Variants in RALGAPA1 observed in about 807,000 individuals in gnomAD.
RALGAPA1 encodes the protein Ral GTPase activating protein catalytic subunit alpha 1.
In RALGAPA1, 52 loss-of-function variants were observed where a neutral mutation model predicts 269.6. The ratio of observed to expected loss-of-function variants is 0.19; its 90% confidence interval spans 0.15 to 0.24. The LOEUF (loss-of-function observed/expected upper bound fraction) is 0.24. Among genes scored for constraint, RALGAPA1 ranks in the 10% least tolerant of loss-of-function variants. The pLI is 1.00. For synonymous variants in RALGAPA1, 817 were observed against 1,008.3 expected, an observed-to-expected ratio of 0.81 and a Z score of 3.60; for missense variants, 1,917 against 3,013.9, an observed-to-expected ratio of 0.64 and a Z score of 8.52.
At chr14:35,698,804 G>T (rs577561621) in intron 17 of RALGAPA1, among the ~76,000 whole-genome samples, 7 of 152,238 alleles carry the variant, frequency 4.6e-5, no homozygotes, top group African/African-American at 1.7e-4. Flanking sequence ...ATAATTTGAT[G>T]TAAGCAACCA....
At chr14:35,712,178 C>T (rs1272635401) in intron 16 of RALGAPA1, among the ~76,000 whole-genome samples, 2 of 140,986 alleles carry the variant, frequency 1.4e-5, no homozygotes, top group Non-Finnish European at 3.0e-5. Flanking sequence ...ACCTGGGAGG[C>T]GAAGGTTGCA....
intron 6 of RALGAPA1, 39 bp downstream of exon 6, chr14:35,760,790 G>C: frequency 6.6e-7 from 1 of 1,508,856 alleles, no homozygotes; most frequent in Non-Finnish European, 9.2e-7. Context: ...TACATAGAGA[G>C]CTTAAACCTA....
intron 31 of RALGAPA1, among the ~76,000 whole-genome samples, chr14:35,644,096 T>C (rs1442671475): frequency 1.3e-5 from 2 of 152,244 alleles, no homozygotes; most frequent in Admixed American, 6.5e-5. Context: ...GGATACCCCA[T>C]TTATCCTGAC....
intron 4 of RALGAPA1, among the ~76,000 whole-genome samples, chr14:35,769,178 T>C (rs948302848): frequency 1.3e-5 from 2 of 149,864 alleles, no homozygotes; most frequent in African/African-American, 4.9e-5. Flanking sequence ...GATCAACAAA[T>C]ATGACAAATA....
At position 35,786,881 on chromosome 14, in the gene RALGAPA1, C is replaced by T. The variant is rs146979955; in HGVS notation, c.107-11136G>A. 3.9e-5 allele frequency among the ~76,000 whole-genome samples: 6 copies of T among 152,238 alleles called. No individual in the cohort carries two copies. In the East Asian group the frequency reaches 5.8e-4, roughly 15 times the overall value. The stretch of plus-strand genomic sequence containing the variant: ...TCATATCAGACGAGTAATGTGCCAA[C>T]ATCATAAAAAGGTTTGTGGGACGTA... On this transcript the variant is annotated intron_variant, in intron 1 of 41. Coordinates refer to ENST00000680220, the MANE Select transcript of RALGAPA1 (RefSeq NM_001346249.2).
chr14:35,806,860 C>T (rs1287691153), intron 1 of RALGAPA1, among the ~76,000 whole-genome samples: 1 of 152,202 alleles, frequency 6.6e-6, no homozygotes, highest in African/African-American at 2.4e-5. Flanking sequence ...ATTCTACTTT[C>T]TCTCATTCAT....
At position 35,739,416 on chromosome 14, in the gene RALGAPA1, T is replaced by C. The variant is rs190464579; in HGVS notation, c.1450-766A>G. Among the ~76,000 whole-genome samples the C allele has an allele frequency of 3.1e-3, 469 of 152,302 alleles. 2 individuals carry two copies. Among genetic ancestry groups the C allele is most frequent in the Non-Finnish European group, 5.5e-3 (371 of 68,034 alleles). ...GTAGCCAATAAAACATGCCATGGTC[T>C]AGTCTAGCCTTTCTCTTAAGCTCCA... is the stretch of plus-strand genomic sequence containing the variant. On this transcript the variant is annotated intron_variant, in intron 11 of 41. Transcript: ENST00000680220.
In RALGAPA1 at chr14:35,566,280, C is replaced by T. The variant is rs966219207; in HGVS notation, c.7496+4337G>A. Among the ~76,000 whole-genome samples the T allele has an allele frequency of 2.0e-5, 3 of 152,250 alleles. No homozygotes were observed. The East Asian group carries it at 5.8e-4, about 29-fold the overall frequency. On this transcript the variant is annotated intron_variant, in intron 39 of 41. Transcript: ENST00000680220. ...GGACAGATTACTGTAATTCTGGCTG[C>T]TGGTATGATCGATTTGGGTAGCATA... is the stretch of plus-strand genomic sequence containing the variant.
At chr14:35,558,525 T>C (rs758570519) in intron 39 of RALGAPA1, among the ~76,000 whole-genome samples, 33 of 152,286 alleles carry the variant, frequency 2.2e-4, no homozygotes, top group Admixed American at 1.4e-3. Context: ...GGGCTAAAAA[T>C]AGATAATGGC....
At chr14:35,616,030 G>A (rs1410963567) in intron 35 of RALGAPA1, among the ~76,000 whole-genome samples, 2 of 152,136 alleles carry the variant, frequency 1.3e-5, no homozygotes, top group Non-Finnish European at 2.9e-5. Flanking sequence ...AAGTGATAAG[G>A]ACATGAATCA....
intron 35 of RALGAPA1, among the ~76,000 whole-genome samples, chr14:35,622,805 T>C (rs374104582): frequency 1.3e-5 from 2 of 152,244 alleles, no homozygotes; most frequent in Non-Finnish European, 1.5e-5. Context: ...GAAATAAAGA[T>C]CTAGAAGGAC....
chr14:35,760,784 T>C (rs368399827), intron 6 of RALGAPA1, 45 bp downstream of exon 6: 41 of 1,447,024 alleles, frequency 2.8e-5, no homozygotes, highest in Non-Finnish European at 3.6e-5. Flanking sequence ...AGAGACTACA[T>C]AGAGAGCTTA....
In RALGAPA1 at chr14:35,689,334, T is replaced by A. The variant is rs996423557; in HGVS notation, c.3077A>T (p.Asp1026Val). 1.1e-4 allele frequency: 139 copies of A among 1,232,140 alleles called. No homozygotes were observed. Among genetic ancestry groups the A allele is most frequent in the Non-Finnish European group, 7.8e-5 (77 of 988,068 alleles). The allele number at this position is 1,232,140 out of a possible 1,614,324, so 76.3% of individuals were successfully genotyped here. Residue 1026 changes from aspartate to valine, a missense_variant, in exon 18 of 42, where the codon GAC becomes GTC. Physicochemically the swap from Asp to Val is radical, Grantham distance 152. This residue lies in a region of RALGAPA1 where 615 missense variants were observed against 790.0 expected (regional missense o/e 0.78). Transcript: ENST00000680220. ...FMSNIAPNQS[D>V]SFFRTQTSEK... ...AGAAGTTTGTGTTCTAAAAAAACTG[T>A]CTGACTGGTTAGGTGCGATATTACT...
At chr14:35,577,940 A>T (rs540726656) in intron 37 of RALGAPA1, among the ~76,000 whole-genome samples, 211 of 152,154 alleles carry the variant, frequency 1.4e-3, no homozygotes, top group African/African-American at 4.4e-3. Context: ...CCTTTTCTGT[A>T]CTTTCCTTCC....
chr14:35,600,021 T>G (rs2139092653), intron 36 of RALGAPA1, among the ~76,000 whole-genome samples: 1 of 152,216 alleles, frequency 6.6e-6, no homozygotes, highest in African/African-American at 2.4e-5. Context: ...TACAGCTTTA[T>G]GTCTCTCACC....
Position 35,612,579 on chromosome 14 carries a change from C to T in RALGAPA1, c.6930-6870G>A, listed in dbSNP as rs551702727. 2.1e-3 allele frequency among the ~76,000 whole-genome samples: 316 copies of T among 149,866 alleles called. 3 individuals carry two copies. Among genetic ancestry groups the T allele is most frequent in the African/African-American group, 7.4e-3 (303 of 40,834 alleles). On this transcript the variant is annotated intron_variant, in intron 35 of 41. Transcript: ENST00000680220. The stretch of plus-strand genomic sequence containing the variant: ...TTTGAGACAGAGTCTTGCTCTGTCG[C>T]CCAGGCTGGAGTGCAGTGGCGCAAT...
At chr14:35,787,380 G>A (rs1386426375) in intron 1 of RALGAPA1, among the ~76,000 whole-genome samples, 1 of 152,154 alleles carries the variant, frequency 6.6e-6, no homozygotes, top group Non-Finnish European at 1.5e-5. Flanking sequence ...GAAGACGACT[G>A]GGAACCTTGA....
chr14:35,642,188 A>C (rs548098927), intron 31 of RALGAPA1, among the ~76,000 whole-genome samples: 104 of 152,326 alleles, frequency 6.8e-4, no homozygotes, highest in Non-Finnish European at 1.3e-3. Context: ...TGGACTGGGC[A>C]GATTTCTGGA....
chr14:35,649,977 T>C (rs2062704127), intron 31 of RALGAPA1, among the ~76,000 whole-genome samples: 1 of 152,156 alleles, frequency 6.6e-6, no homozygotes, highest in African/African-American at 2.4e-5. Flanking sequence ...AAGACAAAGA[T>C]GATATAGAAA....
Sources: gnomAD v4.1 joint callset for allele counts (sites outside exome capture counted in the v4.1 genomes callset) on GRCh38, gnomAD v4.1.1 for gene constraint, gnomAD v4.1.1 regional missense constraint, MANE v1.5 for transcripts, NCBI Gene and HGNC (gene_info 2026-07-23, HGNC 2026-07-21) for gene names.